Variants in ITGA9 observed in about 807,000 individuals in gnomAD.
ITGA9 encodes integrin subunit alpha 9.
ITGA9 carries 56 observed loss-of-function variants against 127.8 expected under a neutral mutation model. The observed-to-expected ratio is 0.44, with a 90% CI of 0.35 to 0.55. ITGA9 has a LOEUF of 0.55. ITGA9 is among the 20% of genes least tolerant of loss of function. The pLI is 0.00. For synonymous variants in ITGA9, 508 were observed against 514.5 expected, an observed-to-expected ratio of 0.99 and a Z score of 0.17; for missense variants, 1,196 against 1,347.1, an observed-to-expected ratio of 0.89 and a Z score of 1.76.
At chr3:37,559,577 T>A (rs981615907) in intron 15 of ITGA9, among the ~76,000 whole-genome samples, 1 of 152,214 alleles carries the variant, frequency 6.6e-6, no homozygotes, top group Admixed American at 6.5e-5. Flanking sequence ...ATTCTTTGTT[T>A]AATAACAAAG....
chr3:37,711,185 C>T, intron 18 of ITGA9, among the ~76,000 whole-genome samples: 1 of 152,106 alleles, frequency 6.6e-6, no homozygotes, highest in Non-Finnish European at 1.5e-5. Context: ...GAACCCTCGT[C>T]CTTCATTAAC....
chr3:37,716,920 G>A (rs931653470), intron 18 of ITGA9, among the ~76,000 whole-genome samples: 27 of 152,100 alleles, frequency 1.8e-4, no homozygotes, highest in Admixed American at 6.5e-4. Flanking sequence ...TAGGAGGTCC[G>A]TCATTCAGTG....
chr3:37,570,124 G>A (rs1699586217), intron 15 of ITGA9, among the ~76,000 whole-genome samples: 1 of 152,232 alleles, frequency 6.6e-6, no homozygotes, highest in African/African-American at 2.4e-5. Flanking sequence ...ATCCCTCAGA[G>A]CCCCGGCATT....
intron 23 of ITGA9, among the ~76,000 whole-genome samples, chr3:37,765,068 C>T (rs1008381599): frequency 2.0e-5 from 3 of 152,148 alleles, no homozygotes; most frequent in Non-Finnish European, 4.4e-5. Flanking sequence ...TGTGTATTTG[C>T]AGCATTTGGT....
At chr3:37,813,751 TAA>T (rs1455880537) in intron 27 of ITGA9, among the ~76,000 whole-genome samples, 1 of 152,160 alleles carries the variant, frequency 6.6e-6, no homozygotes, top group Non-Finnish European at 1.5e-5. Flanking sequence ...TTACATGAGT[TAA>T]GAGTCCTAGA....
At chr3:37,680,243 A>G (rs1303507390) in intron 17 of ITGA9, among the ~76,000 whole-genome samples, 1 of 152,202 alleles carries the variant, frequency 6.6e-6, no homozygotes, top group Middle Eastern at 3.2e-3. Context: ...ACAACACCCA[A>G]TATCATGCTG....
At chr3:37,494,154 G>C (rs534309901) in intron 4 of ITGA9, among the ~76,000 whole-genome samples, 3 of 152,172 alleles carry the variant, frequency 2.0e-5, no homozygotes, top group South Asian at 2.1e-4. Context: ...CACGTTTTCA[G>C]CTCCTTGGGC....
intron 26 of ITGA9, among the ~76,000 whole-genome samples, chr3:37,796,055 G>A (rs1038321188): frequency 5.3e-5 from 8 of 152,054 alleles, no homozygotes; most frequent in South Asian, 2.1e-4. Context: ...ACATCTTCCC[G>A]CTGCTTCTTG....
At position 37,684,030 on chromosome 3, in the gene ITGA9, C is replaced by G; in HGVS notation, c.2067+15C>G. 4.3e-6 allele frequency: 7 copies of G among 1,611,142 alleles called. No individual in the cohort carries two copies. The highest frequency in any genetic ancestry group is 5.9e-6 in the Non-Finnish European group (7 of 1,178,204). On this transcript the variant is annotated intron_variant, in intron 18 of 27. Coordinates refer to ENST00000264741, the MANE Select transcript of ITGA9 (RefSeq NM_002207.3). ...TGTGGCAGAAGGTAAGGAGGGCATC[C>G]CTGTAAAAAGAGCAGTTGTTCCATC...
intron 26 of ITGA9, among the ~76,000 whole-genome samples, chr3:37,798,417 C>T (rs1342176181): frequency 6.6e-6 from 1 of 152,234 alleles, no homozygotes; most frequent in Non-Finnish European, 1.5e-5. Context: ...AGCATCCCCT[C>T]GCCCCTTTCT....
chr3:37,708,094 C>T (rs550867056), intron 18 of ITGA9, among the ~76,000 whole-genome samples: 1 of 152,306 alleles, frequency 6.6e-6, no homozygotes, highest in African/African-American at 2.4e-5. Context: ...TAGGGGTTAG[C>T]TAGGCAGTTT....
Position 37,523,293 on chromosome 3 carries a change from A to G in ITGA9, c.1237-228A>G, listed in dbSNP as rs866992433. Among the ~76,000 whole-genome samples, 72 of 152,350 alleles carry G rather than the reference A, an allele frequency of 4.7e-4. No homozygotes were observed. In the Middle Eastern group the frequency reaches 0.014, roughly 29 times the overall value. ...GATTTTTTTCATTAACACAGAACTT[A>G]GAAAAAATTTTAAATGATGACGTTT... On this transcript the variant is annotated intron_variant, in intron 11 of 27. Transcript: ENST00000264741.
intron 15 of ITGA9, chr3:37,585,621 T>C (rs1155741): frequency 0.61 from 311,953 of 514,424 alleles, 98,137 homozygotes; most frequent in East Asian, 0.73. Flanking sequence ...CCATATTACA[T>C]TCCAAGAAGG....
At chr3:37,619,983 A>G (rs575309615) in intron 15 of ITGA9, among the ~76,000 whole-genome samples, 2 of 152,272 alleles carry the variant, frequency 1.3e-5, no homozygotes, top group South Asian at 4.1e-4. Flanking sequence ...CCTCCCTGTG[A>G]AAGGGGTCAC....
chr3:37,488,853 AT>A (rs2125562479), intron 4 of ITGA9, among the ~76,000 whole-genome samples: 1 of 152,240 alleles, frequency 6.6e-6, no homozygotes, highest in South Asian at 2.1e-4. Context: ...CATTTTAACC[AT>A]TTTTAAGTGT....
At position 37,517,539 on chromosome 3, in the gene ITGA9, T is replaced by C. The variant is rs566601140; in HGVS notation, c.1071T>C (p.Asp357=). ...ALEEQLALTG[D]GAYNAHFGES... is the part of the protein sequence containing the mutation. ...AGGAGCAGCTGGCTCTGACTGGGGA[T>C]GGTGCCTACAATGCGCACTTTGGAG... Residue 357 remains aspartate (D), a synonymous_variant, in exon 10 of 28, where the codon GAT becomes GAC. Coordinates refer to ENST00000264741, the MANE Select transcript of ITGA9 (RefSeq NM_002207.3). 9 of 1,599,752 alleles carry C rather than the reference T, an allele frequency of 5.6e-6. No homozygotes were observed. In the African/African-American group the frequency reaches 9.4e-5, roughly 17 times the overall value.
chr3:37,536,347 A>T (rs1699208193), intron 14 of ITGA9, among the ~76,000 whole-genome samples: 1 of 152,254 alleles, frequency 6.6e-6, no homozygotes, highest in Non-Finnish European at 1.5e-5. Flanking sequence ...GGCACCTCTC[A>T]ATGTCTGCAT....
chr3:37,770,609 G>A (rs577346424), intron 23 of ITGA9, among the ~76,000 whole-genome samples: 111 of 152,276 alleles, frequency 7.3e-4, no homozygotes, highest in Non-Finnish European at 1.2e-3. Flanking sequence ...ATCAGATGAC[G>A]ACAACATTTG....
At chr3:37,638,715 C>G (rs1390062620) in intron 16 of ITGA9, among the ~76,000 whole-genome samples, 2 of 152,130 alleles carry the variant, frequency 1.3e-5, no homozygotes, top group Non-Finnish European at 2.9e-5. Context: ...TGTTGGTACC[C>G]AGGACTATAC....
Sources: allele counts gnomAD v4.1 joint callset (sites outside exome capture counted in the v4.1 genomes callset), GRCh38; gene constraint gnomAD v4.1.1; transcripts MANE v1.5; gene names NCBI Gene and HGNC (gene_info 2026-07-23, HGNC 2026-07-21).